Variants in ADCY2 observed in about 807,000 individuals in gnomAD.
The protein encoded by ADCY2 is adenylate cyclase type 2.
In ADCY2, 31 loss-of-function variants were observed where a neutral mutation model predicts 125.2. The ratio of observed to expected loss-of-function variants is 0.25; its 90% CI spans 0.19 to 0.33. The LOEUF is 0.33. ADCY2 is among the 10% of genes least tolerant of loss of function. The pLI is 1.00. For synonymous variants in ADCY2, 512 were observed against 548.4 expected, an observed-to-expected ratio of 0.93 and a Z score of 0.93; for missense variants, 904 against 1,418.2, an observed-to-expected ratio of 0.64 and a Z score of 5.82.
chr5:7,571,154 C>T (rs576543057), intron 3 of ADCY2, among the ~76,000 whole-genome samples: 19 of 152,134 alleles, frequency 1.2e-4, no homozygotes, highest in Non-Finnish European at 2.2e-4. Context: ...AGTATATATT[C>T]TGGATATGTG....
Position 7,789,794 on chromosome 5 carries a change from G to A in ADCY2, c.2622G>A (p.Lys874=). The change falls in exon 20 of 25, where the codon AAG becomes AAA. Residue 874 remains lysine (K), a synonymous_variant. Transcript: ENST00000338316. ...AGCACTTCCTGGCCAGGAGCCTGAA[G>A]AATGAGGTCAGACCAGGGGGGCTGG... ...VAEHFLARSL[K]NEELYHQSYD... 8.2e-7 allele frequency: 1 copy of A among 1,218,916 alleles called. No homozygotes were observed. 75.5% of individuals were successfully genotyped at this position (1,218,916 alleles called of 1,614,324 possible).
intron 4 of ADCY2, among the ~76,000 whole-genome samples, chr5:7,634,694 A>C (rs992709007): frequency 2.0e-5 from 3 of 150,288 alleles, no homozygotes; most frequent in African/African-American, 7.4e-5. Flanking sequence ...CTATTTATCA[A>C]ATTTACAGGT....
intron 3 of ADCY2, among the ~76,000 whole-genome samples, chr5:7,548,858 C>G (rs1735234676): frequency 6.6e-6 from 1 of 152,140 alleles, no homozygotes; most frequent in Admixed American, 6.5e-5. Context: ...AATAAACATG[C>G]AACCATAATA....
intron 3 of ADCY2, among the ~76,000 whole-genome samples, chr5:7,588,606 C>T (rs1442242927): frequency 6.6e-6 from 1 of 152,182 alleles, no homozygotes; most frequent in Non-Finnish European, 1.5e-5. Flanking sequence ...AACTACTCAT[C>T]TCTGTTGTTT....
chr5:7,761,313 C>T (rs955399340), intron 16 of ADCY2, among the ~76,000 whole-genome samples: 1 of 151,900 alleles, frequency 6.6e-6, no homozygotes, highest in Non-Finnish European at 1.5e-5. Context: ...CTACGCCCAC[C>T]TAATTTTTGT....
chr5:7,748,127 A>G (rs1197211527), intron 15 of ADCY2, among the ~76,000 whole-genome samples: 1 of 152,162 alleles, frequency 6.6e-6, no homozygotes, highest in Non-Finnish European at 1.5e-5. Flanking sequence ...AGGCCCATAT[A>G]GCAGCCCCTT....
rs1739635731 is a variant in ADCY2, at chr5:7,409,631, C to T, written c.211-4942C>T. Among the ~76,000 whole-genome samples, 3 of 152,254 alleles carry T rather than the reference C, an allele frequency of 2.0e-5. No individual in the cohort carries two copies. The East Asian group carries it at 5.8e-4, about 29-fold the overall frequency. ...ACATGCACTTCAGAAGAATATTGTT[C>T]CACCTAATGGTTGCATGTGGAATTC... On this transcript the variant is annotated intron_variant, in intron 1 of 24. Coordinates refer to ENST00000338316, the MANE Select transcript of ADCY2 (RefSeq NM_020546.3).
chr5:7,608,929 TC>T (rs1326808351), intron 3 of ADCY2, among the ~76,000 whole-genome samples: 4 of 152,116 alleles, frequency 2.6e-5, no homozygotes, highest in African/African-American at 9.7e-5. Context: ...GTGCCATTTT[TC>T]CCCCCAAGAG....
intron 3 of ADCY2, among the ~76,000 whole-genome samples, chr5:7,535,036 TTTTG>T (rs901431787): frequency 3.3e-5 from 5 of 152,202 alleles, no homozygotes; most frequent in South Asian, 2.1e-4. Flanking sequence ...AAAGCTTTGC[TTTTG>T]TTTGTTTGTT....
rs529846429 is a variant in ADCY2, at chr5:7,459,524, G to A, written c.408+44754G>A. Among the ~76,000 whole-genome samples the A allele has an allele frequency of 3.5e-4, 53 of 152,236 alleles. No homozygotes were observed. In the South Asian group the frequency reaches 7.9e-3, roughly 23 times the overall value. On this transcript the variant is annotated intron_variant, in intron 2 of 24. Transcript: ENST00000338316. ...CTAGTAATTCGCCTCCAAGCAGTGG[G>A]TCTTGTTTAGTAGGGACAATCTTGA...
At chr5:7,714,436 G>C (rs1387510625) in intron 11 of ADCY2, among the ~76,000 whole-genome samples, 2 of 152,254 alleles carry the variant, frequency 1.3e-5, no homozygotes, top group South Asian at 2.1e-4. Context: ...ACAATGATAA[G>C]AAGCTGTTGT....
intron 3 of ADCY2, among the ~76,000 whole-genome samples, chr5:7,552,368 G>A (rs1735370139): frequency 6.6e-6 from 1 of 152,218 alleles, no homozygotes; most frequent in Non-Finnish European, 1.5e-5. Flanking sequence ...TTTGATGGTT[G>A]ACAGACTCTT....
At chr5:7,721,386 A>G (rs1362896451) in intron 12 of ADCY2, among the ~76,000 whole-genome samples, 2 of 152,188 alleles carry the variant, frequency 1.3e-5, no homozygotes, top group African/African-American at 2.4e-5. Flanking sequence ...TGCTGTGCAG[A>G]AGCTCTTTAG....
chr5:7,475,005 G>A (rs958072397), intron 2 of ADCY2, among the ~76,000 whole-genome samples: 1 of 152,188 alleles, frequency 6.6e-6, no homozygotes, highest in Admixed American at 6.5e-5. Context: ...CTCCCGGGAG[G>A]CGTGGCTTTG....
chr5:7,492,520 G>A (rs1229877442), intron 2 of ADCY2, among the ~76,000 whole-genome samples: 1 of 152,172 alleles, frequency 6.6e-6, no homozygotes, highest in East Asian at 1.9e-4. Flanking sequence ...AGGACTGTAG[G>A]AGTCAAGAAA....
chr5:7,664,387 G>T (rs534524592), intron 4 of ADCY2, among the ~76,000 whole-genome samples: 1 of 152,162 alleles, frequency 6.6e-6, no homozygotes, highest in African/African-American at 2.4e-5. Context: ...TTCAGAGAGC[G>T]ATGGTAAGGG....
chr5:7,794,866 G>T lies in ADCY2; in HGVS notation c.2628+5066G>T, dbSNP rs957601716. The T allele has an allele frequency of 2.0e-5, 3 of 152,078 alleles. No homozygotes were observed. The East Asian group carries it at 5.8e-4, about 29-fold the overall frequency. The allele number at this position is 152,078 out of a possible 1,614,324, so 9.4% of individuals were successfully genotyped here. A position where few individuals can be genotyped will look rare whatever the true frequency, so the allele number is the denominator to read the frequency against. ...AACGGTGCCCATGCTGTTTAAGAGT[G>T]TAGCTATCATCAAGGTTTCTGTCCC... On this transcript the variant is annotated intron_variant, in intron 20 of 24. Coordinates refer to ENST00000338316, the MANE Select transcript of ADCY2 (RefSeq NM_020546.3).
intron 9 of ADCY2, among the ~76,000 whole-genome samples, chr5:7,708,862 C>T (rs1323778384): frequency 6.6e-6 from 1 of 152,124 alleles, no homozygotes; most frequent in African/African-American, 2.4e-5. Flanking sequence ...GGCTATGTAG[C>T]ATTAGAAACA....
chr5:7,417,608 G>A (rs13358120), intron 2 of ADCY2, among the ~76,000 whole-genome samples: 31,359 of 152,118 alleles, frequency 0.21, 3,522 homozygotes, highest in African/African-American at 0.26. Flanking sequence ...CAATTAATCA[G>A]GATAAGGTCC....
Sources: gnomAD v4.1 joint callset for allele counts (sites outside exome capture counted in the v4.1 genomes callset) on GRCh38, gnomAD v4.1.1 for gene constraint, MANE v1.5 for transcripts, NCBI Gene and HGNC (gene_info 2026-07-23, HGNC 2026-07-21) for gene names.